ZNF423: variants seen among roughly 807,000 people sequenced by gnomAD.
ZNF423 encodes the protein zinc finger protein 423, also known as Ebf-associated zinc finger protein.
A neutral mutation model predicts 95.8 loss-of-function variants in ZNF423; 12 were observed. That is an observed-to-expected ratio of 0.13 (90% CI 0.08 to 0.20). The LOEUF (loss-of-function observed/expected upper bound fraction) is 0.20. Ranked by LOEUF, ZNF423 falls within the 10% of genes least tolerant of loss-of-function variation. ZNF423 has a pLI of 1.00. For missense variants in ZNF423, 1,316 were observed against 1,737.1 expected, an observed-to-expected ratio of 0.76 and a Z score of 4.31; for synonymous variants, 749 against 711.9, an observed-to-expected ratio of 1.05 and a Z score of -0.83.
At chr16:49,628,722 G>A (rs1972395855) in intron 4 of ZNF423, among the ~76,000 whole-genome samples, 2 of 152,202 alleles carry the variant, frequency 1.3e-5, no homozygotes, top group Admixed American at 1.3e-4. Context: ...GACCCCAAGA[G>A]TTCCTACAGC....
At chr16:49,701,362 G>A (rs1051545241) in intron 3 of ZNF423, among the ~76,000 whole-genome samples, 3 of 152,106 alleles carry the variant, frequency 2.0e-5, no homozygotes, top group Admixed American at 2.0e-4. Context: ...TATTTCCTAC[G>A]CTGATGGCCC....
chr16:49,527,160 G>A (rs1968644471), intron 5 of ZNF423, among the ~76,000 whole-genome samples: 1 of 151,886 alleles, frequency 6.6e-6, no homozygotes, highest in Non-Finnish European at 1.5e-5. Flanking sequence ...GCACCCCACC[G>A]CAGAGGCGCA....
chr16:49,612,195 A>T (rs1971744296), intron 5 of ZNF423, among the ~76,000 whole-genome samples: 1 of 152,086 alleles, frequency 6.6e-6, no homozygotes, highest in African/African-American at 2.4e-5. Context: ...ATAAAACTTC[A>T]GACCAATATC....
At chr16:49,848,515 G>A (rs368144920) in intron 1 of ZNF423, among the ~76,000 whole-genome samples, 2 of 128,738 alleles carry the variant, frequency 1.6e-5, no homozygotes, top group African/African-American at 5.7e-5. Context: ...CCAGGCCTCT[G>A]TCTCTCTCCC....
At chr16:49,701,621 A>C (rs1365694588) in intron 3 of ZNF423, among the ~76,000 whole-genome samples, 1 of 152,210 alleles carries the variant, frequency 6.6e-6, no homozygotes, top group East Asian at 1.9e-4. Context: ...GGTGTTTTCA[A>C]TTACCAAAAA....
chr16:49,805,765 C>T (rs1484204969), intron 1 of ZNF423, among the ~76,000 whole-genome samples: 1 of 152,158 alleles, frequency 6.6e-6, no homozygotes, highest in Non-Finnish European at 1.5e-5. Flanking sequence ...TCTTTATTTC[C>T]ACATCTATAA....
intron 2 of ZNF423, among the ~76,000 whole-genome samples, chr16:49,784,463 C>A (rs2034277096): frequency 6.6e-6 from 1 of 152,110 alleles, no homozygotes; most frequent in African/African-American, 2.4e-5. Context: ...TCAACAATAC[C>A]CAAACAAAAT....
At chr16:49,729,733 G>A (rs767859857) in intron 3 of ZNF423, among the ~76,000 whole-genome samples, 17 of 151,482 alleles carry the variant, frequency 1.1e-4, no homozygotes, top group Non-Finnish European at 2.2e-4. Context: ...ACTTGGTCTA[G>A]CCAGCCCTGT....
intron 1 of ZNF423, among the ~76,000 whole-genome samples, chr16:49,805,541 A>C (rs774893453): frequency 6.6e-5 from 10 of 152,230 alleles, no homozygotes; most frequent in Non-Finnish European, 7.3e-5. Context: ...CCCCTTCAAA[A>C]CAAACAGTAA....
At chr16:49,591,761 C>A (rs1484368660) in intron 5 of ZNF423, among the ~76,000 whole-genome samples, 2 of 152,128 alleles carry the variant, frequency 1.3e-5, no homozygotes, top group African/African-American at 4.8e-5. Context: ...TGTGCAAAAA[C>A]AGTACAGACA....
chr16:49,815,342 G>A (rs1456301265), intron 1 of ZNF423, among the ~76,000 whole-genome samples: 1 of 152,148 alleles, frequency 6.6e-6, no homozygotes, highest in Admixed American at 6.5e-5. Flanking sequence ...GGTCAGGACA[G>A]GAAGTTATCT....
intron 3 of ZNF423, among the ~76,000 whole-genome samples, chr16:49,643,226 C>T (rs1181767017): frequency 6.6e-6 from 1 of 152,180 alleles, no homozygotes; most frequent in Non-Finnish European, 1.5e-5. Context: ...TCCCCTCCAA[C>T]ATGAACATTC....
At chr16:49,719,725 G>GT (rs1240597450) in intron 3 of ZNF423, among the ~76,000 whole-genome samples, 1 of 152,198 alleles carries the variant, frequency 6.6e-6, no homozygotes, top group Non-Finnish European at 1.5e-5. Flanking sequence ...CGCCATGATC[G>GT]TAAGTTTCCT....
At chr16:49,628,851 C>A (rs1022571384) in intron 4 of ZNF423, among the ~76,000 whole-genome samples, 2 of 152,212 alleles carry the variant, frequency 1.3e-5, no homozygotes, top group African/African-American at 4.8e-5. Flanking sequence ...CTCACTCACA[C>A]AACTAATCCC....
At chr16:49,629,496 C>A (rs1426599151) in intron 4 of ZNF423, among the ~76,000 whole-genome samples, 1 of 152,198 alleles carries the variant, frequency 6.6e-6, no homozygotes, top group Admixed American at 6.5e-5. Flanking sequence ...ATGTGCAACA[C>A]CCCCTCCATC....
rs1365710576 is a variant in ZNF423 at position 49,808,934 on chromosome 16, C to T, written c.41-19388G>A. ...GAAGCCAAGCCAGAAGACACGGCCT[C>T]AGAAAGGTTCAGCAATGGGAAAGGA... On this transcript the variant is annotated intron_variant, in intron 1 of 7. Transcript: ENST00000563137. 2.6e-5 allele frequency among the ~76,000 whole-genome samples: 4 copies of T among 152,136 alleles called. 1 individual carries two copies. The highest frequency in any genetic ancestry group is 9.7e-5 in the African/African-American group (4 of 41,424).
At chr16:49,499,304 G>A (rs987722910) in intron 7 of ZNF423, among the ~76,000 whole-genome samples, 15 of 152,222 alleles carry the variant, frequency 9.9e-5, no homozygotes, top group Non-Finnish European at 1.6e-4. Flanking sequence ...GCAGCCTGTC[G>A]TCTGCCACCC....
At chr16:49,568,441 C>T (rs776278439) in intron 5 of ZNF423, among the ~76,000 whole-genome samples, 11 of 152,132 alleles carry the variant, frequency 7.2e-5, no homozygotes, top group Non-Finnish European at 1.6e-4. Context: ...CAGCAGTGAG[C>T]CCTTCCCCTT....
At chr16:49,789,616 C>T (rs908555757) in intron 1 of ZNF423, 70 bp from the exon 2 acceptor site, 10 of 1,488,032 alleles carry the variant, frequency 6.7e-6, no homozygotes, top group South Asian at 3.8e-5. Flanking sequence ...AGGCACAGGG[C>T]GAGGAAGAAG....
Sources: gnomAD v4.1 joint callset for allele counts (sites outside exome capture counted in the v4.1 genomes callset) on GRCh38, gnomAD v4.1.1 for gene constraint, MANE v1.5 for transcripts, NCBI Gene and HGNC (gene_info 2026-07-23, HGNC 2026-07-21) for gene names.